Variants in PPP2R5C observed in about 807,000 individuals in gnomAD.
PPP2R5C encodes the protein serine/threonine-protein phosphatase 2A 56 kDa regulatory subunit gamma isoform.
Under a neutral mutation model 68.9 loss-of-function variants are expected in PPP2R5C, and 7 were observed. That is an observed-to-expected ratio of 0.10 (90% CI 0.06 to 0.19). The LOEUF (loss-of-function observed/expected upper bound fraction) is 0.19, where lower values mean the gene tolerates loss of function less well. Ranked by LOEUF, PPP2R5C falls within the 10% of genes least tolerant of loss-of-function variation. The probability of loss-of-function intolerance (pLI) is 1.00; values close to 1 mark genes in which losing one functional copy is unlikely to be tolerated. For synonymous variants in PPP2R5C, 210 were observed against 222.2 expected (o/e 0.95, Z 0.49); for missense variants, 348 against 641.3 (o/e 0.54, Z 4.94).
intron 11 of PPP2R5C, among the ~76,000 whole-genome samples, chr14:101,910,565 G>A (rs903474653): frequency 6.6e-5 from 10 of 152,218 alleles, no homozygotes; most frequent in Non-Finnish European, 1.3e-4. Context: ...GGGTGCGGTG[G>A]CTCACGCCTG....
chr14:101,818,880 C>T, intron 1 of PPP2R5C: 2 of 813,200 alleles, frequency 2.5e-6, no homozygotes, highest in Middle Eastern at 3.1e-4. Context: ...TGTATGTGAC[C>T]TCGTTATAAT....
At chr14:101,823,837 C>T (rs1300260347) in intron 1 of PPP2R5C, 1 of 1,194,788 alleles carries the variant, frequency 8.4e-7, no homozygotes, top group East Asian at 5.8e-5. Flanking sequence ...ACTTTCTGCT[C>T]TCAGCTTTTT....
At chr14:101,839,055 GA>G (rs112929033) in intron 1 of PPP2R5C, 27,880 of 84,874 alleles carry the variant, frequency 0.33, 2,839 homozygotes, top group African/African-American at 0.4. Context: ...AATTAGAAAA[GA>G]AAAAAAAAAA....
intron 3 of PPP2R5C, among the ~76,000 whole-genome samples, chr14:101,788,221 T>G (rs1185016219): frequency 6.6e-6 from 1 of 152,232 alleles, no homozygotes; most frequent in Non-Finnish European, 1.5e-5. Context: ...GTTGGCCGTG[T>G]GCCCCATTTT....
At chr14:101,828,219 A>G (rs911634544) in intron 1 of PPP2R5C, among the ~76,000 whole-genome samples, 1 of 152,154 alleles carries the variant, frequency 6.6e-6, no homozygotes, top group Non-Finnish European at 1.5e-5. Context: ...AAAGCAGATT[A>G]GAGGTTGCCA....
At position 101,821,210 on chromosome 14, in the gene PPP2R5C, T is replaced by TGA. The variant is rs2040032625; in HGVS notation, c.94+11175_94+11176insAG. 2.0e-5 allele frequency: 3 copies of TGA among 152,306 alleles called. No individual in the cohort carries two copies. The South Asian group carries it at 6.2e-4, about 32-fold the overall frequency. The allele number at this position is 152,306 out of a possible 1,614,324, so 9.4% of individuals were successfully genotyped here. ...CCCACCTAACCCTGAGCCTTCCTCT[T>TGA]GCCTTGGTCAGTTTCCTTCTTTGTT... On this transcript the variant is annotated intron_variant, in intron 1 of 13. Transcript: ENST00000334743.
intron 3 of PPP2R5C, among the ~76,000 whole-genome samples, chr14:101,801,592 C>A (rs1363941347): frequency 6.6e-6 from 1 of 152,102 alleles, no homozygotes; most frequent in African/African-American, 2.4e-5. Context: ...AAACATGATG[C>A]CCTCAAAAAG....
intron 2 of PPP2R5C, among the ~76,000 whole-genome samples, chr14:101,785,386 G>C (rs112837440): frequency 3.3e-5 from 5 of 152,304 alleles, no homozygotes; most frequent in African/African-American, 4.8e-5. Flanking sequence ...CAGCAGGGTC[G>C]TGATGGCTCT....
At chr14:101,791,213 G>A (rs1282124773) in intron 3 of PPP2R5C, among the ~76,000 whole-genome samples, 1 of 152,206 alleles carries the variant, frequency 6.6e-6, no homozygotes, top group African/African-American at 2.4e-5. Context: ...ATCTATTATT[G>A]TCTTTTCGAT....
At chr14:101,837,852 C>T (rs545998298) in intron 1 of PPP2R5C, among the ~76,000 whole-genome samples, 4 of 152,196 alleles carry the variant, frequency 2.6e-5, no homozygotes, top group Admixed American at 6.5e-5. Flanking sequence ...TGTCCTCATC[C>T]GCATTTCACA....
At chr14:101,819,181 C>G (rs2039897294) in intron 1 of PPP2R5C, 1 of 1,154,586 alleles carries the variant, frequency 8.7e-7, no homozygotes, top group Non-Finnish European at 1.3e-6. Flanking sequence ...TGGTTTTTTT[C>G]CCAGCTTTAT....
chr14:101,792,641 A>G (rs1191862715), intron 3 of PPP2R5C, among the ~76,000 whole-genome samples: 1 of 152,178 alleles, frequency 6.6e-6, no homozygotes, highest in Non-Finnish European at 1.5e-5. Context: ...ATTGTGGACT[A>G]ATATATTGTT....
intron 1 of PPP2R5C, chr14:101,821,080 T>G (rs2040020241): frequency 6.8e-6 from 1 of 146,816 alleles, no homozygotes; most frequent in African/African-American, 2.6e-5. Flanking sequence ...CCCTCTTTTC[T>G]CTAAAAAAAA....
At chr14:101,827,663 A>G (rs567889424) in intron 1 of PPP2R5C, among the ~76,000 whole-genome samples, 27 of 152,230 alleles carry the variant, frequency 1.8e-4, no homozygotes, top group Non-Finnish European at 3.2e-4. Flanking sequence ...GAACTTTTAC[A>G]GGATGAAATC....
chr14:101,831,679 G>C (rs2040749609), intron 1 of PPP2R5C: 1 of 687,928 alleles, frequency 1.5e-6, no homozygotes, highest in Non-Finnish European at 2.7e-6. Flanking sequence ...CTTATATGTG[G>C]ATTTTTTTCA....
intron 1 of PPP2R5C, among the ~76,000 whole-genome samples, chr14:101,841,308 G>T (rs2041454838): frequency 6.6e-6 from 1 of 152,184 alleles, no homozygotes; most frequent in African/African-American, 2.4e-5. Flanking sequence ...AAATGAAGGG[G>T]GCGACTGTGC....
intron 1 of PPP2R5C, among the ~76,000 whole-genome samples, chr14:101,814,987 G>A (rs919095475): frequency 2.0e-5 from 3 of 152,192 alleles, no homozygotes; most frequent in South Asian, 2.1e-4. Context: ...CACCAAGTAC[G>A]AGGTCCCGAA....
At chr14:101,919,969 C>CAAAAAAAAAAACAAAAA in intron 13 of PPP2R5C, among the ~76,000 whole-genome samples, 1 of 52,884 alleles carries the variant, frequency 1.9e-5, no homozygotes, top group African/African-American at 9.0e-5. Context: ...AACTCCGTCT[C>CAAAAAAAAAAACAAAAA]AAAAAAAAAA....
intron 2 of PPP2R5C, among the ~76,000 whole-genome samples, chr14:101,767,809 T>C (rs532045310): frequency 6.6e-6 from 1 of 152,270 alleles, no homozygotes; most frequent in African/African-American, 2.4e-5. Flanking sequence ...AGCCGCAGCC[T>C]CAGCTCCCGA....
Sources: gnomAD v4.1 joint callset for allele counts (sites outside exome capture counted in the v4.1 genomes callset) on GRCh38, gnomAD v4.1.1 for gene constraint, MANE v1.5 for transcripts, NCBI Gene and HGNC (gene_info 2026-07-23, HGNC 2026-07-21) for gene names.